Variants in EXOC4 observed in about 807,000 individuals in gnomAD.
EXOC4 encodes the protein exocyst complex component 4.
EXOC4 carries 71 observed loss-of-function variants against 107.2 expected under a neutral mutation model. The ratio of observed to expected loss-of-function variants is 0.66; its 90% CI spans 0.55 to 0.81. The LOEUF (loss-of-function observed/expected upper bound fraction) is 0.81. Ranked by LOEUF, EXOC4 falls within the 30% of genes least tolerant of loss-of-function variation. EXOC4 has a pLI of 0.00. For synonymous variants in EXOC4, 456 were observed against 441.2 expected (o/e 1.03, Z -0.42); for missense variants, 1,108 against 1,189.6 (o/e 0.93, Z 1.01).
chr7:133,677,478 A>C (rs1794089793), intron 10 of EXOC4, among the ~76,000 whole-genome samples: 1 of 152,216 alleles, frequency 6.6e-6, no homozygotes, highest in African/African-American at 2.4e-5. Flanking sequence ...ATTGTCATCT[A>C]AGTTTATCAA....
intron 12 of EXOC4, among the ~76,000 whole-genome samples, chr7:133,902,322 A>AT (rs1381969939): frequency 6.6e-6 from 1 of 152,280 alleles, no homozygotes; most frequent in South Asian, 2.1e-4. Flanking sequence ...CCTTTCAGGA[A>AT]TTTTTTTGAT....
chr7:133,682,463 C>T (rs1794208482), intron 10 of EXOC4, among the ~76,000 whole-genome samples: 1 of 152,098 alleles, frequency 6.6e-6, no homozygotes, highest in African/African-American at 2.4e-5. Flanking sequence ...CCATTATCAC[C>T]TCCCACCATG....
intron 10 of EXOC4, among the ~76,000 whole-genome samples, chr7:133,788,569 T>C (rs887026238): frequency 6.6e-6 from 1 of 152,062 alleles, no homozygotes; most frequent in Non-Finnish European, 1.5e-5. Flanking sequence ...CTTGGCTCAT[T>C]GCAACCTCCA....
chr7:133,575,807 C>T (rs1458813500), intron 9 of EXOC4, among the ~76,000 whole-genome samples: 1 of 152,112 alleles, frequency 6.6e-6, no homozygotes, highest in African/African-American at 2.4e-5. Context: ...TCTTCATCTC[C>T]AGGTTCATCT....
At chr7:133,631,457 C>A (rs950338831) in intron 10 of EXOC4, among the ~76,000 whole-genome samples, 5 of 151,842 alleles carry the variant, frequency 3.3e-5, no homozygotes, top group Non-Finnish European at 7.4e-5. Context: ...TGTTCTAAAT[C>A]GTAGTGGATT....
At chr7:133,987,697 AATT>A (rs1266669891) in intron 14 of EXOC4, among the ~76,000 whole-genome samples, 1 of 152,156 alleles carries the variant, frequency 6.6e-6, no homozygotes, top group Non-Finnish European at 1.5e-5. Context: ...AGAAAGTTTG[AATT>A]CACAGTGTTA....
intron 10 of EXOC4, among the ~76,000 whole-genome samples, chr7:133,643,590 C>T (rs1393844503): frequency 6.6e-6 from 1 of 152,128 alleles, no homozygotes; most frequent in Non-Finnish European, 1.5e-5. Context: ...AAAATAAAGA[C>T]AATAATAAGG....
At chr7:133,987,395 AAAAG>A (rs1794142339) in intron 14 of EXOC4, among the ~76,000 whole-genome samples, 1 of 152,016 alleles carries the variant, frequency 6.6e-6, no homozygotes, top group Non-Finnish European at 1.5e-5. Context: ...GAAAGAAAGA[AAAAG>A]AGAGAGAAAG....
intron 7 of EXOC4, among the ~76,000 whole-genome samples, chr7:133,383,065 CT>C (rs1477132813): frequency 1.3e-5 from 2 of 152,230 alleles, no homozygotes; most frequent in East Asian, 3.9e-4. Context: ...TGTTTTTGCC[CT>C]TTTGAGCAGC....
chr7:133,847,775 C>A (rs913220510), intron 11 of EXOC4, among the ~76,000 whole-genome samples: 13 of 151,532 alleles, frequency 8.6e-5, no homozygotes, highest in Non-Finnish European at 1.8e-4. Flanking sequence ...ATGGCATGAT[C>A]TCGGCTCACT....
chr7:133,767,553 A>C (rs1796164618), intron 10 of EXOC4, among the ~76,000 whole-genome samples: 1 of 151,954 alleles, frequency 6.6e-6, no homozygotes, highest in African/African-American at 2.4e-5. Flanking sequence ...CAAGAGACAA[A>C]ATATACCAAC....
At position 133,630,034 on chromosome 7, in the gene EXOC4, T is replaced by C; in HGVS notation, c.1418-11T>C. 6.2e-7 allele frequency: 1 copy of C among 1,606,760 alleles called. No homozygotes were observed. The highest frequency in any genetic ancestry group is 8.5e-7 in the Non-Finnish European group (1 of 1,173,712). On this transcript the variant is annotated splice_polypyrimidine_tract_variant and intron_variant, in intron 9 of 17. Coordinates refer to ENST00000253861, the MANE Select transcript of EXOC4 (RefSeq NM_021807.4). ...ATGAGCTAAGTCTGTTTTTTTTCTTTCTTCTGAAAGGGGGTCCTGATGACA... is the reference window on the plus strand; with the variant it reads ...ATGAGCTAAGTCTGTTTTTTTTCTTCCTTCTGAAAGGGGGTCCTGATGACA...
chr7:133,982,217 A>T (rs966777178), intron 14 of EXOC4, among the ~76,000 whole-genome samples: 1 of 152,156 alleles, frequency 6.6e-6, no homozygotes, highest in African/African-American at 2.4e-5. Flanking sequence ...CTATATAACA[A>T]ACTTACACAG....
At chr7:133,611,986 A>G (rs558524147) in intron 9 of EXOC4, among the ~76,000 whole-genome samples, 14 of 152,272 alleles carry the variant, frequency 9.2e-5, no homozygotes, top group Non-Finnish European at 1.8e-4. Flanking sequence ...TGTCACACCT[A>G]CCATAGTGCC....
intron 10 of EXOC4, among the ~76,000 whole-genome samples, chr7:133,779,642 G>A (rs910740911): frequency 3.9e-5 from 6 of 152,094 alleles, no homozygotes; most frequent in South Asian, 2.1e-4. Flanking sequence ...TGCTCCAATC[G>A]GTGCTCTGTG....
intron 11 of EXOC4, among the ~76,000 whole-genome samples, chr7:133,858,320 G>C (rs962144172): frequency 2.0e-5 from 3 of 152,130 alleles, no homozygotes; most frequent in African/African-American, 7.2e-5. Context: ...ACGGGCAGTC[G>C]TACCATGTGG....
At chr7:133,509,044 C>CT (rs1326545570) in intron 9 of EXOC4, among the ~76,000 whole-genome samples, 1 of 152,116 alleles carries the variant, frequency 6.6e-6, no homozygotes, top group Non-Finnish European at 1.5e-5. Context: ...TTTTCTCCTC[C>CT]TTTTTTACCC....
intron 7 of EXOC4, among the ~76,000 whole-genome samples, chr7:133,375,290 A>G (rs1312186219): frequency 2.0e-5 from 3 of 152,200 alleles, no homozygotes; most frequent in African/African-American, 7.2e-5. Context: ...AGTCTGGCCA[A>G]CATGGTGAAA....
chr7:133,754,266 C>T (rs1219462060), intron 10 of EXOC4, among the ~76,000 whole-genome samples: 1 of 152,178 alleles, frequency 6.6e-6, no homozygotes, highest in African/African-American at 2.4e-5. Context: ...TTTCTCTGAG[C>T]TAGAGACTGA....
Sources: allele counts gnomAD v4.1 joint callset (sites outside exome capture counted in the v4.1 genomes callset), GRCh38; gene constraint gnomAD v4.1.1; transcripts MANE v1.5; gene names NCBI Gene and HGNC (gene_info 2026-07-23, HGNC 2026-07-21).